DGKI: variants seen among roughly 807,000 people sequenced by gnomAD.
DGKI encodes the protein DAG kinase iota.
A neutral mutation model predicts 147.5 loss-of-function variants in DGKI; 55 were observed. That is an observed-to-expected ratio of 0.37 (90% CI 0.30 to 0.47). The LOEUF (loss-of-function observed/expected upper bound fraction) is 0.47, where lower values mean the gene tolerates loss of function less well. Ranked by LOEUF, DGKI falls within the 20% of genes least tolerant of loss-of-function variation. The pLI is 1.00. For missense variants in DGKI, 1,007 were observed against 1,323.8 expected (o/e 0.76, Z 3.71); for synonymous variants, 469 against 477.1 (o/e 0.98, Z 0.22).
chr7:137,733,968 T>C (rs1416525177), intron 1 of DGKI, among the ~76,000 whole-genome samples: 2 of 152,106 alleles, frequency 1.3e-5, no homozygotes, highest in Non-Finnish European at 2.9e-5. Context: ...ACAGTTTCTA[T>C]CTGAAACAAG....
chr7:137,701,908 C>G (rs930446495), intron 1 of DGKI, among the ~76,000 whole-genome samples: 3 of 152,088 alleles, frequency 2.0e-5, no homozygotes, highest in African/African-American at 7.2e-5. Context: ...TACCCAATTT[C>G]TAGACGTATT....
chr7:137,408,487 T>C (rs182863566), intron 29 of DGKI, among the ~76,000 whole-genome samples: 3 of 152,286 alleles, frequency 2.0e-5, no homozygotes. Context: ...TGCTTCTTTT[T>C]CTCCCATGTA....
At chr7:137,438,349 T>C (rs1341771287) in intron 28 of DGKI, among the ~76,000 whole-genome samples, 1 of 152,110 alleles carries the variant, frequency 6.6e-6, no homozygotes, top group Non-Finnish European at 1.5e-5. Context: ...TGTGTAATCA[T>C]TGACTACAAA....
chr7:137,528,015 T>A (rs929452999), intron 20 of DGKI, among the ~76,000 whole-genome samples: 4 of 152,204 alleles, frequency 2.6e-5, no homozygotes, highest in Admixed American at 2.6e-4. Context: ...GCTAGAACAA[T>A]GCCTGGTCCA....
intron 2 of DGKI, among the ~76,000 whole-genome samples, chr7:137,684,366 T>C (rs1823342782): frequency 6.6e-6 from 1 of 152,238 alleles, no homozygotes; most frequent in Non-Finnish European, 1.5e-5. Context: ...ATTTTGAATA[T>C]ATTTGCTTAA....
chr7:137,776,671 C>T (rs532347871), intron 1 of DGKI, among the ~76,000 whole-genome samples: 40 of 152,232 alleles, frequency 2.6e-4, no homozygotes, highest in African/African-American at 9.6e-4. Flanking sequence ...TATAACCACG[C>T]AATCGATCAT....
At chr7:137,452,111 C>G (rs1813991148) in intron 27 of DGKI, among the ~76,000 whole-genome samples, 1 of 152,226 alleles carries the variant, frequency 6.6e-6, no homozygotes, top group African/African-American at 2.4e-5. Context: ...GTGTCCCCAA[C>G]ACATATACCT....
At chr7:137,604,917 C>T (rs947074664) in intron 10 of DGKI, among the ~76,000 whole-genome samples, 3 of 152,078 alleles carry the variant, frequency 2.0e-5, no homozygotes, top group Admixed American at 6.6e-5. Flanking sequence ...AGGGAGGGGA[C>T]GTATTTCTCT....
chr7:137,782,200 T>A (rs1563195504), intron 1 of DGKI, among the ~76,000 whole-genome samples: 1 of 152,114 alleles, frequency 6.6e-6, no homozygotes, highest in Non-Finnish European at 1.5e-5. Flanking sequence ...CTGGGACAAG[T>A]TCTCAGCCCT....
intron 1 of DGKI, among the ~76,000 whole-genome samples, chr7:137,792,060 A>G (rs1796870264): frequency 6.6e-6 from 1 of 152,214 alleles, no homozygotes; most frequent in Non-Finnish European, 1.5e-5. Flanking sequence ...CCCTGAGAGC[A>G]CTGCTCTGAG....
intron 1 of DGKI, among the ~76,000 whole-genome samples, chr7:137,800,274 T>A (rs1364938032): frequency 6.6e-6 from 1 of 152,190 alleles, no homozygotes; most frequent in African/African-American, 2.4e-5. Flanking sequence ...GTTTGGATGT[T>A]TGTCCCCACC....
At chr7:137,412,326 G>A in intron 28 of DGKI, 119 bp from the exon 29 acceptor site, 1 of 963,016 alleles carries the variant, frequency 1.0e-6, no homozygotes, top group South Asian at 1.4e-5. Context: ...ATCAGGGAAG[G>A]AAAATATCTT....
intron 22 of DGKI, among the ~76,000 whole-genome samples, chr7:137,486,296 G>A (rs939468101): frequency 9.9e-5 from 15 of 152,052 alleles, no homozygotes; most frequent in Admixed American, 2.0e-4. Context: ...TTCATCAATC[G>A]TGTATTAATA....
intron 1 of DGKI, among the ~76,000 whole-genome samples, chr7:137,827,281 T>C (rs917218581): frequency 2.0e-5 from 3 of 152,176 alleles, no homozygotes; most frequent in Non-Finnish European, 4.4e-5. Flanking sequence ...AAACCTCCAA[T>C]GGCTCCCTAT....
intron 10 of DGKI, among the ~76,000 whole-genome samples, chr7:137,601,843 C>A (rs574434726): frequency 6.6e-6 from 1 of 152,268 alleles, no homozygotes; most frequent in East Asian, 1.9e-4. Flanking sequence ...GTTGCATGTA[C>A]CAGCCAAACC....
chr7:137,566,090 A>G (rs866297650), intron 19 of DGKI, among the ~76,000 whole-genome samples: 35 of 152,262 alleles, frequency 2.3e-4, no homozygotes, highest in Admixed American at 8.5e-4. Flanking sequence ...TTAAGTTTAT[A>G]GCCTTTAATT....
At chr7:137,414,578 C>T (rs372837258) in intron 28 of DGKI, among the ~76,000 whole-genome samples, 24 of 150,794 alleles carry the variant, frequency 1.6e-4, no homozygotes, top group Admixed American at 4.0e-4. Context: ...GGGTCTCACT[C>T]TTCCTTTTAT....
At chr7:137,614,632 ACTT>A (rs1820470110) in intron 8 of DGKI, among the ~76,000 whole-genome samples, 2 of 152,222 alleles carry the variant, frequency 1.3e-5, no homozygotes, top group South Asian at 4.1e-4. Context: ...CTACAAAATA[ACTT>A]CTTCATCTCT....
chr7:137,638,605 T>TATATACAC (rs1237752591), intron 6 of DGKI, among the ~76,000 whole-genome samples: 11,171 of 13,992 alleles, frequency 0.8, 4,888 homozygotes, highest in Middle Eastern at 0.95. Flanking sequence ...CATATATGTA[T>TATATACAC]ATATATACAC....
Sources: gnomAD v4.1 joint callset for allele counts (sites outside exome capture counted in the v4.1 genomes callset) on GRCh38, gnomAD v4.1.1 for gene constraint, MANE v1.5 for transcripts, NCBI Gene and HGNC (gene_info 2026-07-23, HGNC 2026-07-21) for gene names.